SNX29: variants seen among roughly 807,000 people sequenced by gnomAD.
SNX29 encodes sorting nexin 29, also known as sorting nexin-29.
SNX29 carries 78 observed loss-of-function variants against 102.1 expected under a neutral mutation model. That is an observed-to-expected ratio of 0.76 (90% CI 0.64 to 0.92). The LOEUF (loss-of-function observed/expected upper bound fraction) is 0.92, where lower values mean the gene tolerates loss of function less well. Among genes scored for constraint, SNX29 ranks in the 40% least tolerant of loss-of-function variants. The pLI is 0.00. For synonymous variants in SNX29, 580 were observed against 414.5 expected (o/e 1.40, Z -4.85); for missense variants, 1,280 against 1,061.7 (o/e 1.21, Z -2.86).
intron 16 of SNX29, among the ~76,000 whole-genome samples, chr16:12,369,544 G>T (rs2082607597): frequency 6.6e-6 from 1 of 152,166 alleles, no homozygotes; most frequent in Admixed American, 6.5e-5. Flanking sequence ...GTCCTCTCCT[G>T]TACATGGTCA....
intron 11 of SNX29, chr16:12,087,601 C>T (rs1013547934): frequency 2.6e-5 from 9 of 346,544 alleles, no homozygotes; most frequent in Admixed American, 2.4e-4. Flanking sequence ...GCCTCTTAAA[C>T]ATTTAAGGTA....
intron 20 of SNX29, among the ~76,000 whole-genome samples, chr16:12,551,979 C>T (rs1174562762): frequency 1.3e-5 from 2 of 152,168 alleles, no homozygotes; most frequent in East Asian, 1.9e-4. Context: ...AACACAGTGC[C>T]ATGTCAAAGT....
chr16:12,108,403 A>G lies in SNX29; in HGVS notation c.1403-18230A>G, dbSNP rs528978024. On this transcript the variant is annotated intron_variant, in intron 11 of 20. Coordinates refer to ENST00000566228, the MANE Select transcript of SNX29 (RefSeq NM_032167.5). ...AAAGACAACTGGGCTGGACTTGACC[A>G]TGGGAGAACCAAGTCAGCAGGTGCA... Among the ~76,000 whole-genome samples, 10 of 152,316 alleles carry G rather than the reference A, an allele frequency of 6.6e-5. No homozygotes were observed. In the South Asian group the frequency reaches 2.1e-3, roughly 32 times the overall value.
intron 13 of SNX29, among the ~76,000 whole-genome samples, chr16:12,198,738 AAC>A (rs1331197001): frequency 6.6e-6 from 1 of 152,222 alleles, no homozygotes; most frequent in Non-Finnish European, 1.5e-5. Context: ...ACCTTGGTCA[AAC>A]ACCGTATTTG....
chr16:12,305,065 G>C (rs553433894), intron 15 of SNX29, among the ~76,000 whole-genome samples: 54 of 152,198 alleles, frequency 3.5e-4, no homozygotes, highest in Non-Finnish European at 5.7e-4. Flanking sequence ...CTGTAATTAG[G>C]AACATCAATT....
intron 4 of SNX29, among the ~76,000 whole-genome samples, chr16:12,031,660 C>T (rs2057348380): frequency 6.6e-6 from 1 of 151,812 alleles, no homozygotes; most frequent in African/African-American, 2.4e-5. Context: ...AAAAAATTAG[C>T]CAGGCGTGGT....
chr16:12,092,002 C>T (rs1302779051), intron 11 of SNX29, among the ~76,000 whole-genome samples: 1 of 152,138 alleles, frequency 6.6e-6, no homozygotes, highest in Non-Finnish European at 1.5e-5. Context: ...CGCAGCCCTA[C>T]TCGGCGGAGG....
intron 20 of SNX29, among the ~76,000 whole-genome samples, chr16:12,547,221 C>T (rs907344507): frequency 6.6e-6 from 1 of 152,188 alleles, no homozygotes; most frequent in African/African-American, 2.4e-5. Context: ...AGACCTGAGG[C>T]AGGGAGCCAG....
chr16:12,476,421 T>TATATATATATACATAC (rs1567603440), intron 18 of SNX29, among the ~76,000 whole-genome samples: 2 of 51,980 alleles, frequency 3.8e-5, no homozygotes, highest in African/African-American at 1.3e-4. Context: ...TACATATATA[T>TATATATATATACATAC]ATATATATAT....
At chr16:11,998,093 A>C (rs974565514) in intron 1 of SNX29, among the ~76,000 whole-genome samples, 1 of 152,212 alleles carries the variant, frequency 6.6e-6, no homozygotes, top group African/African-American at 2.4e-5. Context: ...GACCTGGAGG[A>C]ATCACTGACC....
In SNX29 at chr16:12,571,210, G is replaced by C. The variant is rs1283707250; in HGVS notation, c.*2581G>C. 4.3e-6 allele frequency: 1 copy of C among 232,156 alleles called. No individual in the cohort carries two copies. 14.4% of individuals were successfully genotyped at this position (232,156 alleles called of 1,614,324 possible). A position where few individuals can be genotyped will look rare whatever the true frequency, so the allele number is the denominator to read the frequency against. On this transcript the variant is annotated 3_prime_UTR_variant, in exon 21 of 21. Transcript: ENST00000566228. ...ATGAACTTCAGGCAACAAACAACTGGCAGGGTTCCCAGTTCCTGGAGTTAT... is the reference window on the plus strand; with the variant it reads ...ATGAACTTCAGGCAACAAACAACTGCCAGGGTTCCCAGTTCCTGGAGTTAT...
intron 20 of SNX29, chr16:12,526,963 C>G (rs2076800847): frequency 2.5e-6 from 1 of 402,852 alleles, no homozygotes; most frequent in Non-Finnish European, 4.7e-6. Flanking sequence ...GCACGCAGAA[C>G]AGAACACAGG....
intron 14 of SNX29, among the ~76,000 whole-genome samples, chr16:12,200,159 C>G (rs1347223753): frequency 6.6e-6 from 1 of 152,162 alleles, no homozygotes. Context: ...CAGCACCTAC[C>G]TCATGAGGCA....
chr16:12,098,212 T>A lies in SNX29; in HGVS notation c.1402+19297T>A, dbSNP rs146033449. 1.3e-5 allele frequency among the ~76,000 whole-genome samples: 2 copies of A among 152,206 alleles called. No individual in the cohort carries two copies. The highest frequency in any genetic ancestry group is 4.8e-5 in the African/African-American group (2 of 41,542). ...CTCCTTTTCCTCCTCCTCTTCTCCCTCCTGCCCTAGACCTTAAATATTAAT... is the reference window on the plus strand; with the variant it reads ...CTCCTTTTCCTCCTCCTCTTCTCCCACCTGCCCTAGACCTTAAATATTAAT... On this transcript the variant is annotated intron_variant, in intron 11 of 20. Coordinates refer to ENST00000566228, the MANE Select transcript of SNX29 (RefSeq NM_032167.5). The surrounding 1 kb of genome is among the most constrained non-coding windows in gnomAD (Gnocchi z 6.0).
chr16:12,312,923 C>T (rs1250979463), intron 15 of SNX29, among the ~76,000 whole-genome samples: 2 of 152,102 alleles, frequency 1.3e-5, no homozygotes, highest in Non-Finnish European at 1.5e-5. Context: ...TGTGGCTTGC[C>T]AGAGGTGGGA....
chr16:12,161,065 A>G (rs1255134494), intron 13 of SNX29, among the ~76,000 whole-genome samples: 2 of 152,188 alleles, frequency 1.3e-5, no homozygotes, highest in Non-Finnish European at 2.9e-5. Context: ...TTTGACAGAG[A>G]TACAGTGATG....
At chr16:12,556,257 T>TA (rs1310669371) in intron 20 of SNX29, 1 of 152,152 alleles carries the variant, frequency 6.6e-6, no homozygotes. Context: ...CCCACCTCAC[T>TA]AAAGCTGGCA....
intron 16 of SNX29, among the ~76,000 whole-genome samples, chr16:12,360,683 G>T (rs1461468487): frequency 9.3e-5 from 14 of 150,196 alleles, no homozygotes; most frequent in Non-Finnish European, 2.9e-5. Flanking sequence ...TAATAGTGCA[G>T]TCCCTGACTG....
chr16:12,220,813 G>C (rs929385202), intron 14 of SNX29, among the ~76,000 whole-genome samples: 3 of 152,136 alleles, frequency 2.0e-5, no homozygotes, highest in Non-Finnish European at 4.4e-5. Flanking sequence ...CCTGTGATGG[G>C]TGTAATTATA....
Sources: allele counts gnomAD v4.1 joint callset (sites outside exome capture counted in the v4.1 genomes callset), GRCh38; gene constraint gnomAD v4.1.1; non-coding constraint Gnocchi (gnomAD v3.1); transcripts MANE v1.5; gene names NCBI Gene and HGNC (gene_info 2026-07-23, HGNC 2026-07-21).